The following CREB5 variants were observed in gnomAD, a reference collection of about 807,000 sequenced individuals.
CREB5 encodes cAMP responsive element binding protein 5.
Under a neutral mutation model 57.1 loss-of-function variants are expected in CREB5, and 19 were observed. That is an observed-to-expected ratio of 0.33 (90% CI 0.23 to 0.49). The LOEUF (loss-of-function observed/expected upper bound fraction) is 0.49. Among genes scored for constraint, CREB5 ranks in the 20% least tolerant of loss-of-function variants. CREB5 has a pLI of 0.99. For missense variants in CREB5, 579 were observed against 671.6 expected (o/e 0.86, Z 1.52); for synonymous variants, 238 against 238.3 (o/e 1.00, Z 0.01).
chr7:28,646,097 CAGT>C (rs900599350), intron 5 of CREB5, among the ~76,000 whole-genome samples: 3 of 152,210 alleles, frequency 2.0e-5, no homozygotes, highest in Non-Finnish European at 4.4e-5. Flanking sequence ...AGCTTGCAGA[CAGT>C]AGATCATAGG....
At chr7:28,411,250 A>G (rs1787785418), upstream of CREB5, among the ~76,000 whole-genome samples, 1 of 152,198 alleles carries the variant, frequency 6.6e-6, no homozygotes, top group Non-Finnish European at 1.5e-5. Flanking sequence ...AAAGTATTTC[A>G]CTTTACGTAG....
At chr7:28,327,422 A>T (rs1785629734) in intron 1 of CREB5, among the ~76,000 whole-genome samples, 1 of 152,214 alleles carries the variant, frequency 6.6e-6, no homozygotes, top group African/African-American at 2.4e-5. Flanking sequence ...AGATTTAAAT[A>T]TATAGGCCTA....
At chr7:28,504,346 G>T (rs1792389321) in intron 3 of CREB5, among the ~76,000 whole-genome samples, 1 of 152,220 alleles carries the variant, frequency 6.6e-6, no homozygotes, top group Non-Finnish European at 1.5e-5. Flanking sequence ...ACAGGCACCA[G>T]TCAGCTCCAG....
At chr7:28,332,266 A>G (rs1785731261) in intron 1 of CREB5, among the ~76,000 whole-genome samples, 1 of 152,124 alleles carries the variant, frequency 6.6e-6, no homozygotes, top group Non-Finnish European at 1.5e-5. Flanking sequence ...TAGACTGTGG[A>G]CTTTTGAACT....
At chr7:28,643,016 A>ACACACG (rs1798741169) in intron 5 of CREB5, among the ~76,000 whole-genome samples, 1 of 141,610 alleles carries the variant, frequency 7.1e-6, no homozygotes, top group East Asian at 2.5e-4. Context: ...ACACACACAC[A>ACACACG]CACACACACA....
intron 5 of CREB5, among the ~76,000 whole-genome samples, chr7:28,581,545 A>G (rs576557868): frequency 1.5e-4 from 23 of 152,366 alleles, no homozygotes; most frequent in African/African-American, 4.8e-4. Context: ...AACGCCCTCA[A>G]GTATGGGTGT....
chr7:28,716,227 C>A (rs763626281), intron 5 of CREB5, among the ~76,000 whole-genome samples: 5 of 151,946 alleles, frequency 3.3e-5, no homozygotes, highest in South Asian at 2.1e-4. Context: ...AAAAAGAACA[C>A]CTCAAAAAAA....
chr7:28,511,919 T>G (rs564109439), intron 4 of CREB5, among the ~76,000 whole-genome samples: 3 of 152,228 alleles, frequency 2.0e-5, no homozygotes, highest in Non-Finnish European at 4.4e-5. Context: ...ATTGAAAGAA[T>G]TTAGATTAGA....
At chr7:28,506,307 T>C (rs567684022) in intron 3 of CREB5, among the ~76,000 whole-genome samples, 2 of 152,374 alleles carry the variant, frequency 1.3e-5, no homozygotes, top group Admixed American at 1.3e-4. Context: ...TTTCTTATAA[T>C]ATAGGAATTT....
chr7:28,731,518 G>A (rs1452595107), intron 7 of CREB5, among the ~76,000 whole-genome samples: 4 of 152,054 alleles, frequency 2.6e-5, no homozygotes, highest in Non-Finnish European at 4.4e-5. Flanking sequence ...TGGCAAAATC[G>A]TTTCTTTTGA....
At chr7:28,644,609 G>C (rs9770436) in intron 5 of CREB5, among the ~76,000 whole-genome samples, 3 of 151,710 alleles carry the variant, frequency 2.0e-5, no homozygotes, top group Non-Finnish European at 4.4e-5. Context: ...GTTTCAATTT[G>C]AAATTTTGAA....
rs192247264 is a variant in CREB5, at chr7:28,424,458, A to G, written c.3+11541A>G. Among the ~76,000 whole-genome samples, 3 of 152,348 alleles carry G rather than the reference A, an allele frequency of 2.0e-5. No individual in the cohort carries two copies. The East Asian group carries it at 5.8e-4, about 29-fold the overall frequency. On this transcript the variant is annotated intron_variant, in intron 1 of 10. Coordinates refer to ENST00000357727, the MANE Select transcript of CREB5 (RefSeq NM_182898.4). ...TAGATCCCTGGAAAAACCTGGAACAAGTCTTCGGAGATGGGGATCCATATG... is the reference window on the plus strand; with the variant it reads ...TAGATCCCTGGAAAAACCTGGAACAGGTCTTCGGAGATGGGGATCCATATG...
chr7:28,471,538 A>C lies in CREB5; in HGVS notation c.4-16637A>C, dbSNP rs181844537. Among the ~76,000 whole-genome samples, 602 of 152,310 alleles carry C rather than the reference A, an allele frequency of 4.0e-3. 7 individuals are homozygous for C. The highest frequency in any genetic ancestry group is 0.014 in the African/African-American group (573 of 41,556). ...ACCCATATACTCTAAAACACTACAC[A>C]GTACTACAGAGCTGGGGCTTACTGG... is the stretch of plus-strand genomic sequence containing the variant. On this transcript the variant is annotated intron_variant, in intron 1 of 10. Transcript: ENST00000357727.
At chr7:28,623,424 A>C (rs898890933) in intron 5 of CREB5, among the ~76,000 whole-genome samples, 1 of 152,216 alleles carries the variant, frequency 6.6e-6, no homozygotes, top group Non-Finnish European at 1.5e-5. Flanking sequence ...AGCTTTATAG[A>C]TCAAACTGCA....
Position 28,743,727 on chromosome 7 carries a change from C to T in CREB5, c.702+19395C>T, listed in dbSNP as rs111908347. The stretch of plus-strand genomic sequence containing the variant: ...GGGGTGATTCCTCCAGAGGGCTGTG[C>T]GGGGAAGAATCTGTTTCAGGCCTCT... On this transcript the variant is annotated intron_variant, in intron 7 of 10. Coordinates refer to ENST00000357727, the MANE Select transcript of CREB5 (RefSeq NM_182898.4). Among the ~76,000 whole-genome samples the T allele has an allele frequency of 9.9e-3, 1,497 of 150,962 alleles. 25 individuals are homozygous for T. Among genetic ancestry groups the T allele is most frequent in the African/African-American group, 0.035 (1,423 of 41,082 alleles).
rs115294627 is a variant in CREB5, at chr7:28,396,303, T to C, written c.-25+96862T>C. Reference sequence around the variant, plus strand: ...AGGATGTGGGATGGAAATATACATATGCTTCCCCTTCTTTTTGGATGCAAG... The same window carrying C: ...AGGATGTGGGATGGAAATATACATACGCTTCCCCTTCTTTTTGGATGCAAG... On this transcript the variant is annotated intron_variant, in intron 1 of 9. Transcript: ENST00000396299. 8.8e-3 allele frequency among the ~76,000 whole-genome samples: 1,336 copies of C among 152,312 alleles called. 17 individuals carry two copies. Among genetic ancestry groups the C allele is most frequent in the African/African-American group, 0.03 (1,253 of 41,562 alleles).
chr7:28,334,302 T>C (rs1012442793), intron 1 of CREB5, among the ~76,000 whole-genome samples: 1 of 152,024 alleles, frequency 6.6e-6, no homozygotes, highest in Non-Finnish European at 1.5e-5. Flanking sequence ...ATTACAGGCA[T>C]GTACCACCAT....
chr7:28,710,671 G>A (rs1802357190), intron 5 of CREB5, among the ~76,000 whole-genome samples: 1 of 152,028 alleles, frequency 6.6e-6, no homozygotes, highest in Admixed American at 6.5e-5. Context: ...AGCTGAAATG[G>A]TCCCTTCTAA....
intron 5 of CREB5, among the ~76,000 whole-genome samples, chr7:28,589,140 G>A (rs1796402602): frequency 1.3e-5 from 2 of 152,118 alleles, no homozygotes; most frequent in South Asian, 4.1e-4. Flanking sequence ...TGCTATACTT[G>A]CTTTATCATA....
Sources: allele counts gnomAD v4.1 joint callset (sites outside exome capture counted in the v4.1 genomes callset), GRCh38; gene constraint gnomAD v4.1.1; transcripts MANE v1.5; gene names NCBI Gene and HGNC (gene_info 2026-07-23, HGNC 2026-07-21).